FHIT: variants seen among roughly 807,000 people sequenced by gnomAD.
FHIT encodes fragile histidine triad diadenosine triphosphatase, also known as bis(5'-adenosyl)-triphosphatase.
In FHIT, 19 loss-of-function variants were observed where a neutral mutation model predicts 17.9. The ratio of observed to expected loss-of-function variants is 1.06; its 90% CI spans 0.74 to 1.56. FHIT has a LOEUF of 1.56. Ranked by LOEUF, FHIT falls within the 40% of genes most tolerant of loss-of-function variation. The pLI, the probability that FHIT is intolerant of heterozygous loss-of-function variation, is 0.00. For synonymous variants in FHIT, 81 were observed against 69.7 expected (o/e 1.16, Z -0.81); for missense variants, 248 against 189.2 (o/e 1.31, Z -1.82).
At chr3:60,069,421 C>T (rs894942135) in intron 5 of FHIT, among the ~76,000 whole-genome samples, 1 of 152,054 alleles carries the variant, frequency 6.6e-6, no homozygotes, top group African/African-American at 2.4e-5. Flanking sequence ...CTAATGTAAC[C>T]TATGTCAATT....
chr3:60,077,735 TAG>T (rs1553677417), intron 5 of FHIT, among the ~76,000 whole-genome samples: 790 of 63,190 alleles, frequency 0.013, 6 homozygotes, highest in African/African-American at 0.021. Context: ...CACACATATA[TAG>T]AGGGGGGGGG....
At chr3:60,042,914 ACCTATTTC>A (rs955471153) in intron 5 of FHIT, among the ~76,000 whole-genome samples, 1 of 152,144 alleles carries the variant, frequency 6.6e-6, no homozygotes, top group Admixed American at 6.6e-5. Context: ...TACCATTGCC[ACCTATTTC>A]CCTGGCTGTT....
At chr3:60,116,069 T>C (rs547271687) in intron 5 of FHIT, among the ~76,000 whole-genome samples, 7 of 152,308 alleles carry the variant, frequency 4.6e-5, no homozygotes, top group South Asian at 2.1e-4. Flanking sequence ...GAACACTCAT[T>C]CCCTAGACAT....
At chr3:60,262,912 C>T (rs1706377113) in intron 5 of FHIT, among the ~76,000 whole-genome samples, 1 of 151,232 alleles carries the variant, frequency 6.6e-6, no homozygotes, top group Non-Finnish European at 1.5e-5. Context: ...TTGAAAGGCA[C>T]AGTTTAGGAA....
intron 5 of FHIT, among the ~76,000 whole-genome samples, chr3:60,147,409 A>C (rs1164905688): frequency 6.6e-6 from 1 of 152,144 alleles, no homozygotes; most frequent in Non-Finnish European, 1.5e-5. Context: ...AAACCGATAC[A>C]TCCTGCCCTC....
intron 4 of FHIT, among the ~76,000 whole-genome samples, chr3:60,715,050 G>A (rs2041645604): frequency 6.6e-6 from 1 of 152,182 alleles, no homozygotes. Flanking sequence ...CAAGGCTACA[G>A]TAACCAAAAC....
intron 5 of FHIT, among the ~76,000 whole-genome samples, chr3:60,371,661 A>G (rs1700334944): frequency 6.6e-6 from 1 of 152,196 alleles, no homozygotes; most frequent in Admixed American, 6.5e-5. Flanking sequence ...TAACTTAGAA[A>G]ATATAATAAA....
rs994378791 is a variant in FHIT, at chr3:60,390,432, G to A, written c.103+146428C>T. The stretch of plus-strand genomic sequence containing the variant: ...AAAAAAAAAAAAAAAAAAAAAACCC[G>A]TACCCTCTAGTATTTATTACAAGGT... On this transcript the variant is annotated intron_variant, in intron 5 of 9. Coordinates refer to ENST00000492590, the MANE Select transcript of FHIT (RefSeq NM_002012.4). Among the ~76,000 whole-genome samples, 133 of 117,528 alleles carry A rather than the reference G, an allele frequency of 1.1e-3. 7 individuals carry two copies. The highest frequency in any genetic ancestry group is 6.3e-3 in the Middle Eastern group (1 of 158). The allele number at this position is 117,528 out of a possible 152,430, so 77.1% of individuals were successfully genotyped here.
intron 5 of FHIT, among the ~76,000 whole-genome samples, chr3:60,133,823 A>C (rs1027894077): frequency 6.6e-6 from 1 of 151,984 alleles, no homozygotes; most frequent in African/African-American, 2.4e-5. Context: ...GACTATTTTA[A>C]ATAGCATCTA....
At chr3:60,057,396 A>C (rs894175592) in intron 5 of FHIT, among the ~76,000 whole-genome samples, 5 of 152,188 alleles carry the variant, frequency 3.3e-5, no homozygotes, top group Non-Finnish European at 1.5e-5. Context: ...CTCTGCTTAG[A>C]GGCCCAGTTT....
intron 5 of FHIT, among the ~76,000 whole-genome samples, chr3:60,137,801 A>G (rs1008006475): frequency 1.3e-5 from 2 of 152,226 alleles, no homozygotes; most frequent in Non-Finnish European, 2.9e-5. Context: ...CTCAATAAGT[A>G]TATGATAAAA....
At chr3:60,860,726 A>C (rs188450429) in intron 3 of FHIT, among the ~76,000 whole-genome samples, 1,188 of 96,944 alleles carry the variant, frequency 0.012, 26 homozygotes, top group South Asian at 0.025. Flanking sequence ...TATCAGGTAT[A>C]TATGTACATA....
At chr3:60,914,908 C>G (rs1376787586) in intron 3 of FHIT, among the ~76,000 whole-genome samples, 2 of 152,114 alleles carry the variant, frequency 1.3e-5, no homozygotes, top group African/African-American at 4.8e-5. Context: ...TGTTAAGTAG[C>G]CTTGTAAATT....
chr3:60,044,598 C>G (rs112773492), intron 5 of FHIT, among the ~76,000 whole-genome samples: 2,170 of 151,658 alleles, frequency 0.014, 26 homozygotes, highest in Non-Finnish European at 0.022. Context: ...ATGGTAAAGG[C>G]CTGTAGAAAT....
chr3:61,144,308 C>T (rs2037168307), intron 2 of FHIT, among the ~76,000 whole-genome samples: 2 of 152,164 alleles, frequency 1.3e-5, no homozygotes, highest in African/African-American at 2.4e-5. Flanking sequence ...TGTCCTTTTG[C>T]GACTAGCTTC....
At chr3:59,850,087 C>T (rs1038095721) in intron 8 of FHIT, among the ~76,000 whole-genome samples, 3 of 152,144 alleles carry the variant, frequency 2.0e-5, no homozygotes, top group Non-Finnish European at 4.4e-5. Flanking sequence ...TCCCTGCATG[C>T]TGGTAGTTAA....
intron 4 of FHIT, among the ~76,000 whole-genome samples, chr3:60,766,812 G>A (rs539538294): frequency 6.6e-6 from 1 of 152,324 alleles, no homozygotes; most frequent in East Asian, 1.9e-4. Context: ...GGGCTAGGTA[G>A]TAGGAACACA....
intron 8 of FHIT, among the ~76,000 whole-genome samples, chr3:59,788,436 G>C (rs1026205064): frequency 2.6e-5 from 4 of 152,110 alleles, no homozygotes; most frequent in Non-Finnish European, 2.9e-5. Context: ...TAGGTCTTCA[G>C]ACTGGCTCCG....
intron 1 of FHIT, among the ~76,000 whole-genome samples, chr3:61,205,843 T>C (rs1218054590): frequency 6.6e-6 from 1 of 150,914 alleles, no homozygotes; most frequent in Non-Finnish European, 1.5e-5. Context: ...TTTGTCAATT[T>C]TGTCTTTTAA....
Sources: allele counts gnomAD v4.1 joint callset (sites outside exome capture counted in the v4.1 genomes callset), GRCh38; gene constraint gnomAD v4.1.1; transcripts MANE v1.5; gene names NCBI Gene and HGNC (gene_info 2026-07-23, HGNC 2026-07-21).